The following COL4A1 variants were observed in gnomAD, a reference collection of about 807,000 sequenced individuals.
The protein encoded by COL4A1 is collagen type IV alpha 1 chain.
In COL4A1, 40 loss-of-function variants were observed where a neutral mutation model predicts 216.6. That is an observed-to-expected ratio of 0.18 (90% CI 0.14 to 0.24). The LOEUF is 0.24. Among genes scored for constraint, COL4A1 ranks in the 10% least tolerant of loss-of-function variants. The pLI, the probability that COL4A1 is intolerant of heterozygous loss-of-function variation, is 1.00. For synonymous variants in COL4A1, 839 were observed against 810.7 expected, an observed-to-expected ratio of 1.03 and a Z score of -0.59; for missense variants, 1,628 against 2,196.8, an observed-to-expected ratio of 0.74 and a Z score of 5.18.
At chr13:110,281,268 C>T (rs1242131686) in intron 1 of COL4A1, among the ~76,000 whole-genome samples, 1 of 152,188 alleles carries the variant, frequency 6.6e-6, no homozygotes, top group Non-Finnish European at 1.5e-5. Flanking sequence ...CTCCTACAGC[C>T]AGAATTCTTA....
At chr13:110,287,423 T>C (rs1322199157) in intron 1 of COL4A1, among the ~76,000 whole-genome samples, 3 of 152,220 alleles carry the variant, frequency 2.0e-5, no homozygotes, top group African/African-American at 7.2e-5. Flanking sequence ...TAATATCTTA[T>C]CTTTGTGAAG....
chr13:110,156,862 T>C (rs996895558), intron 49 of COL4A1, among the ~76,000 whole-genome samples: 6 of 152,134 alleles, frequency 3.9e-5, no homozygotes, highest in Non-Finnish European at 5.9e-5. Context: ...TTCCATGGAC[T>C]TGTGTGTGTG....
At position 110,186,485 on chromosome 13, in the gene COL4A1, G is replaced by A. The variant is rs1878411435; in HGVS notation, c.1797C>T (p.Asp599=). The A allele has an allele frequency of 6.2e-7, 1 of 1,613,760 alleles. No homozygotes were observed. Among genetic ancestry groups the A allele is most frequent in the African/African-American group, 1.3e-5 (1 of 75,002 alleles). The part of the protein sequence containing the change: ...GGVGFPGSRG[D]TGPPGPPGYG... ...ATCCTGGAGGCCCAGGGGGGCCGGT[G>A]TCACCACGACTGCCTGGGAATCCAA... The change falls in exon 26 of 52, where the codon GAC becomes GAT. Residue 599 remains aspartate (D), a synonymous_variant. Coordinates refer to ENST00000375820, the MANE Select transcript of COL4A1 (RefSeq NM_001845.6).
chr13:110,176,382 C>T (rs1001898180), intron 36 of COL4A1, 42 bp downstream of exon 36: 7 of 1,323,732 alleles, frequency 5.3e-6, no homozygotes, highest in Non-Finnish European at 7.6e-6. Context: ...ACCAGTATCA[C>T]ACGCACACAT....
intron 42 of COL4A1, among the ~76,000 whole-genome samples, chr13:110,170,129 G>GGAAGGAAGGAAA (rs1877561058): frequency 4.6e-5 from 1 of 21,856 alleles, no homozygotes; most frequent in African/African-American, 1.1e-4. Flanking sequence ...AAGGAAGGAA[G>GGAAGGAAGGAAA]GAAGGAAGGA....
intron 1 of COL4A1, among the ~76,000 whole-genome samples, chr13:110,302,791 C>A (rs1884546674): frequency 6.6e-6 from 1 of 152,270 alleles, no homozygotes; most frequent in South Asian, 2.1e-4. Flanking sequence ...CTATAGTTGA[C>A]ATTTTTTCAT....
intron 1 of COL4A1, among the ~76,000 whole-genome samples, chr13:110,243,806 T>C (rs1881669626): frequency 6.6e-6 from 1 of 152,222 alleles, no homozygotes; most frequent in African/African-American, 2.4e-5. Context: ...CCATCCCCAT[T>C]TACAGATGTG....
chr13:110,155,482 A>G, intron 49 of COL4A1, 85 bp from the exon 50 acceptor site: 2 of 823,222 alleles, frequency 2.4e-6, no homozygotes, highest in Non-Finnish European at 4.2e-6. Flanking sequence ...CCTACACTCA[A>G]CATCCTCACT....
chr13:110,172,326 C>T (rs919853581), intron 41 of COL4A1, among the ~76,000 whole-genome samples: 5 of 152,212 alleles, frequency 3.3e-5, no homozygotes, highest in African/African-American at 1.2e-4. Flanking sequence ...ATCGTGGCTG[C>T]GCAGGGCATG....
At position 110,160,214 on chromosome 13, in the gene COL4A1, G is replaced by A. The variant is rs552722513; in HGVS notation, c.4640+978C>T. On this transcript the variant is annotated intron_variant, in intron 49 of 51. Coordinates refer to ENST00000375820, the MANE Select transcript of COL4A1 (RefSeq NM_001845.6). ...TCCCAGCACTTTGGGAGGCCGAGGC[G>A]GGTGGATCATGAGGTCAGGAGATCG... Among the ~76,000 whole-genome samples the A allele has an allele frequency of 8.5e-3, 1,010 of 119,370 alleles. 129 individuals are homozygous for A. Among genetic ancestry groups the A allele is most frequent in the African/African-American group, 0.035 (969 of 27,500 alleles). The allele number at this position is 119,370 out of a possible 152,430, so 78.3% of individuals were successfully genotyped here. A position where few individuals can be genotyped will look rare whatever the true frequency, so the allele number is the denominator to read the frequency against.
At position 110,192,929 on chromosome 13, in the gene COL4A1, C is replaced by G. The variant is rs1473270325; in HGVS notation, c.1382-16G>C. The G allele has an allele frequency of 8.1e-6, 13 of 1,612,302 alleles. No individual in the cohort carries two copies. The highest frequency in any genetic ancestry group is 2.7e-5 in the African/African-American group (2 of 74,890). On this transcript the variant is annotated splice_polypyrimidine_tract_variant and intron_variant, in intron 22 of 51. Coordinates refer to ENST00000375820, the MANE Select transcript of COL4A1 (RefSeq NM_001845.6). The stretch of plus-strand genomic sequence containing the variant: ...CCTTTTTGACCTAAAAAAGAAAACA[C>G]AAAGGTGCTTACGTGTAACATGTGA...
chr13:110,160,572 T>C (rs575162792), intron 49 of COL4A1, among the ~76,000 whole-genome samples: 1 of 152,344 alleles, frequency 6.6e-6, no homozygotes, highest in South Asian at 2.1e-4. Context: ...CAACGCTTGC[T>C]GAAGAATCGA....
At chr13:110,168,606 GCAAGCTTAGC>G (rs1348258128) in intron 43 of COL4A1, among the ~76,000 whole-genome samples, 1 of 152,178 alleles carries the variant, frequency 6.6e-6, no homozygotes, top group Non-Finnish European at 1.5e-5. Context: ...TTTGCACCCA[GCAAGCTTAGC>G]TATTCTGTAT....
rs755709828 is a variant in COL4A1 at position 110,166,218 on chromosome 13, A to T, written c.4021+14T>A. ...GCACCAGTAAGGTGTCCACAGATCAACAAACTCTCCTACCTTTAGCTCCCG... is the reference window on the plus strand; with the variant it reads ...GCACCAGTAAGGTGTCCACAGATCATCAAACTCTCCTACCTTTAGCTCCCG... On this transcript the variant is annotated intron_variant, in intron 45 of 51. Coordinates refer to ENST00000375820, the MANE Select transcript of COL4A1 (RefSeq NM_001845.6). 12 of 1,550,094 alleles carry T rather than the reference A, an allele frequency of 7.7e-6. No homozygotes were observed. Among genetic ancestry groups the T allele is most frequent in the Non-Finnish European group, 8.9e-6 (10 of 1,121,542 alleles).
At chr13:110,253,084 A>G in intron 1 of COL4A1, among the ~76,000 whole-genome samples, 1 of 116,716 alleles carries the variant, frequency 8.6e-6, no homozygotes, top group East Asian at 2.5e-4. Context: ...AACTATAAGT[A>G]CGTATGTATT....
At chr13:110,201,842 C>T (rs1394788448) in intron 18 of COL4A1, among the ~76,000 whole-genome samples, 1 of 151,998 alleles carries the variant, frequency 6.6e-6, no homozygotes, top group Non-Finnish European at 1.5e-5. Context: ...ATTAGTCGGG[C>T]GTGGTGGCAT....
intron 1 of COL4A1, among the ~76,000 whole-genome samples, chr13:110,292,062 C>T (rs1163161846): frequency 5.3e-5 from 8 of 152,168 alleles, no homozygotes; most frequent in Admixed American, 4.6e-4. Context: ...ACTGTCTTTC[C>T]GACCGATTTT....
At chr13:110,241,654 A>G (rs1056485775) in intron 2 of COL4A1, among the ~76,000 whole-genome samples, 5 of 152,254 alleles carry the variant, frequency 3.3e-5, no homozygotes, top group Admixed American at 1.3e-4. Flanking sequence ...TACTCCATTC[A>G]TTCAAAAACT....
chr13:110,253,570 G>A (rs59563203), intron 1 of COL4A1, among the ~76,000 whole-genome samples: 1 of 141,082 alleles, frequency 7.1e-6, no homozygotes, highest in East Asian at 2.1e-4. Flanking sequence ...TTATACGTAT[G>A]TATGTATTAC....
Sources: gnomAD v4.1 joint callset for allele counts (sites outside exome capture counted in the v4.1 genomes callset) on GRCh38, gnomAD v4.1.1 for gene constraint, MANE v1.5 for transcripts, NCBI Gene and HGNC (gene_info 2026-07-23, HGNC 2026-07-21) for gene names.